The following SRGAP1 variants were observed in gnomAD, a reference collection of about 807,000 sequenced individuals.
SRGAP1 encodes the protein SLIT-ROBO Rho GTPase-activating protein 1.
A neutral mutation model predicts 121.9 loss-of-function variants in SRGAP1; 43 were observed. The ratio of observed to expected loss-of-function variants is 0.35; its 90% CI spans 0.28 to 0.46. The LOEUF (loss-of-function observed/expected upper bound fraction) is 0.46. SRGAP1 is among the 20% of genes least tolerant of loss of function. The pLI is 1.00. For missense variants in SRGAP1, 1,102 were observed against 1,350.9 expected (o/e 0.82, Z 2.89); for synonymous variants, 447 against 485.4 (o/e 0.92, Z 1.04).
At chr12:64,118,437 T>G (rs903540149) in intron 18 of SRGAP1, among the ~76,000 whole-genome samples, 1 of 151,992 alleles carries the variant, frequency 6.6e-6, no homozygotes, top group Non-Finnish European at 1.5e-5. Context: ...ACCCAGCTAA[T>G]TTTTTGTAGA....
At chr12:63,887,228 G>A (rs1900416848) in intron 1 of SRGAP1, among the ~76,000 whole-genome samples, 2 of 152,108 alleles carry the variant, frequency 1.3e-5, no homozygotes, top group Non-Finnish European at 1.5e-5. Context: ...ACCCCAGAAG[G>A]CAACTCACTT....
Position 64,073,529 on chromosome 12 carries a change from C to T in SRGAP1, c.1126-5390C>T, listed in dbSNP as rs552719334. On this transcript the variant is annotated intron_variant, in intron 8 of 21. Transcript: ENST00000355086. ...AGCACCTCCCACAGATACCAAAACC[C>T]GAAGATGCTCAAGTCCCTTATATAA... Among the ~76,000 whole-genome samples the T allele has an allele frequency of 1.2e-4, 18 of 152,200 alleles. No homozygotes were observed. The South Asian group carries it at 1.5e-3, about 12-fold the overall frequency.
At chr12:63,904,474 G>A (rs1490258149) in intron 1 of SRGAP1, among the ~76,000 whole-genome samples, 2 of 152,224 alleles carry the variant, frequency 1.3e-5, no homozygotes, top group African/African-American at 4.8e-5. Context: ...AGGATGGAAA[G>A]CAAAAGGATT....
At chr12:64,036,805 C>T (rs2034914689) in intron 4 of SRGAP1, among the ~76,000 whole-genome samples, 1 of 152,160 alleles carries the variant, frequency 6.6e-6, no homozygotes, top group African/African-American at 2.4e-5. Flanking sequence ...GATGGACAAG[C>T]TTACTATAAA....
At chr12:63,846,281 G>A (rs1479480282) in intron 1 of SRGAP1, among the ~76,000 whole-genome samples, 1 of 152,150 alleles carries the variant, frequency 6.6e-6, no homozygotes, top group African/African-American at 2.4e-5. Context: ...ACTTTCTAAT[G>A]AGACTAACCT....
chr12:64,004,022 A>G (rs192639728), intron 3 of SRGAP1, among the ~76,000 whole-genome samples: 17 of 152,344 alleles, frequency 1.1e-4, no homozygotes, highest in Admixed American at 9.2e-4. Flanking sequence ...TCAACCCTCT[A>G]AATGCTAGCA....
intron 5 of SRGAP1, 55 bp downstream of exon 5, chr12:64,043,027 G>C: frequency 8.3e-7 from 1 of 1,209,522 alleles, no homozygotes; most frequent in Non-Finnish European, 1.2e-6. Context: ...ACAATACTAA[G>C]AACACTGATG....
At chr12:63,907,910 T>C (rs1391389279) in intron 1 of SRGAP1, among the ~76,000 whole-genome samples, 1 of 152,198 alleles carries the variant, frequency 6.6e-6, no homozygotes, top group Non-Finnish European at 1.5e-5. Flanking sequence ...CATATTCACT[T>C]TTTTGCATGT....
chr12:63,855,473 GTTTTTTTTTTTTTTTTTTT>G (rs781701925), intron 1 of SRGAP1, among the ~76,000 whole-genome samples: 3 of 52,900 alleles, frequency 5.7e-5, no homozygotes, highest in African/African-American at 1.4e-4. Flanking sequence ...GAAAAATGGT[GTTTTTTTTTTTTTTTTTTT>G]TTTTTTTTTT....
chr12:64,032,021 T>C (rs919397464), intron 4 of SRGAP1, among the ~76,000 whole-genome samples: 1 of 152,212 alleles, frequency 6.6e-6, no homozygotes, highest in Non-Finnish European at 1.5e-5. Context: ...AAAATCTCAA[T>C]ATGCTATGGT....
intron 11 of SRGAP1, among the ~76,000 whole-genome samples, chr12:64,090,780 C>T (rs2036036577): frequency 6.6e-6 from 1 of 152,046 alleles, no homozygotes. Flanking sequence ...GTGGAGGCTG[C>T]AGTGAGCCAT....
At chr12:64,023,204 C>CAAAAAA (rs11312893) in intron 4 of SRGAP1, among the ~76,000 whole-genome samples, 3 of 77,074 alleles carry the variant, frequency 3.9e-5, no homozygotes, top group Non-Finnish European at 7.3e-5. Flanking sequence ...ACTTTTGTAC[C>CAAAAAA]AAAAAAAAAA....
chr12:64,077,023 C>G (rs1050036704), intron 8 of SRGAP1, among the ~76,000 whole-genome samples: 1 of 152,126 alleles, frequency 6.6e-6, no homozygotes, highest in African/African-American at 2.4e-5. Flanking sequence ...TGAAAAACAT[C>G]ACACAAATTC....
intron 1 of SRGAP1, among the ~76,000 whole-genome samples, chr12:63,867,666 CG>C (rs1305108750): frequency 3.9e-5 from 6 of 152,086 alleles, no homozygotes; most frequent in Non-Finnish European, 7.4e-5. Context: ...GAGCTTAACA[CG>C]TTTTTTTGTC....
intron 21 of SRGAP1, among the ~76,000 whole-genome samples, chr12:64,132,380 GC>G (rs1336471404): frequency 6.6e-6 from 1 of 152,164 alleles, no homozygotes; most frequent in Non-Finnish European, 1.5e-5. Context: ...TGGACCTGTT[GC>G]AGAGCCTTCT....
At chr12:64,042,717 G>T in intron 4 of SRGAP1, 73 bp from the exon 5 acceptor site, 1 of 1,216,924 alleles carries the variant, frequency 8.2e-7, no homozygotes, top group Non-Finnish European at 1.2e-6. Flanking sequence ...CATATACGTC[G>T]TATAAATGGT....
intron 1 of SRGAP1, among the ~76,000 whole-genome samples, chr12:63,916,027 CTTTTCTTT>C (rs1488546005): frequency 3.6e-4 from 31 of 86,328 alleles, no homozygotes; most frequent in Admixed American, 5.8e-4. Context: ...CTTTTCTTTT[CTTTTCTTT>C]TTTTTTTTTT....
intron 1 of SRGAP1, among the ~76,000 whole-genome samples, chr12:63,976,414 C>A (rs2033097000): frequency 1.3e-5 from 2 of 152,180 alleles, no homozygotes; most frequent in South Asian, 4.1e-4. Context: ...TCTTGCCCAG[C>A]CATGGATATG....
At position 64,097,226 on chromosome 12, in the gene SRGAP1, T is replaced by G. The variant is rs2036172501; in HGVS notation, c.1679-15T>G. 2.6e-6 allele frequency: 4 copies of G among 1,554,064 alleles called. No individual in the cohort carries two copies. Among genetic ancestry groups the G allele is most frequent in the Non-Finnish European group, 2.6e-6 (3 of 1,157,702 alleles). On this transcript the variant is annotated splice_polypyrimidine_tract_variant and intron_variant, in intron 14 of 21. Coordinates refer to ENST00000355086, the MANE Select transcript of SRGAP1 (RefSeq NM_020762.4). Reference sequence around the variant, plus strand: ...GAAGCACTGTTAATGTAATGAGTTTTTTTTTTTTTTTTAGGTGAAAATCCT... The same window carrying G: ...GAAGCACTGTTAATGTAATGAGTTTGTTTTTTTTTTTTAGGTGAAAATCCT...
Sources: allele counts gnomAD v4.1 joint callset (sites outside exome capture counted in the v4.1 genomes callset), GRCh38; gene constraint gnomAD v4.1.1; transcripts MANE v1.5; gene names NCBI Gene and HGNC (gene_info 2026-07-23, HGNC 2026-07-21).